The following EFEMP1 variants were observed in gnomAD, a reference collection of about 807,000 sequenced individuals.
EFEMP1 encodes EGF-containing fibulin-like extracellular matrix protein 1.
In EFEMP1, 18 loss-of-function variants were observed where a neutral mutation model predicts 65.7. The observed-to-expected ratio is 0.27, with a 90% CI of 0.19 to 0.41. EFEMP1 has a LOEUF of 0.41. Ranked by LOEUF, EFEMP1 falls within the 10% of genes least tolerant of loss-of-function variation. EFEMP1 has a pLI of 1.00. For synonymous variants in EFEMP1, 237 were observed against 219.7 expected, an observed-to-expected ratio of 1.08 and a Z score of -0.70; for missense variants, 469 against 624.8, an observed-to-expected ratio of 0.75 and a Z score of 2.66.
chr2:55,904,934 GA>G (rs1670184875), intron 5 of EFEMP1, among the ~76,000 whole-genome samples: 1 of 141,496 alleles, frequency 7.1e-6, no homozygotes, highest in Admixed American at 6.9e-5. Context: ...CTGTGACAGA[GA>G]AATTATTTCT....
rs752819295 is a variant in EFEMP1 at position 55,873,382 on chromosome 2, T to C, written c.1000+1564A>G. On this transcript the variant is annotated intron_variant, in intron 9 of 11. Transcript: ENST00000355426. This position sits in a 1 kb window ranked among gnomAD's most constrained non-coding sequence, Gnocchi z 4.6. ...CCCCACTTACAATTTTGGTGCATTT[T>C]CCACCTTTAATTACAATAGATATAA... is the stretch of plus-strand genomic sequence containing the variant. Among the ~76,000 whole-genome samples, 1 of 152,072 alleles carries C rather than the reference T, an allele frequency of 6.6e-6. No individual in the cohort carries two copies. Among genetic ancestry groups the C allele is most frequent in the Non-Finnish European group, 1.5e-5 (1 of 67,968 alleles).
At chr2:55,899,566 A>G (rs568006999) in intron 5 of EFEMP1, among the ~76,000 whole-genome samples, 1 of 152,324 alleles carries the variant, frequency 6.6e-6, no homozygotes, top group South Asian at 2.1e-4. Context: ...ACCTGGCTGC[A>G]TTATTTAAAT....
chr2:55,874,865 A>C (rs1668964423), intron 9 of EFEMP1, 81 bp downstream of exon 9: 2 of 1,469,462 alleles, frequency 1.4e-6, no homozygotes, highest in Non-Finnish European at 1.9e-6. Flanking sequence ...ATGAAAGTCT[A>C]TAGGAGAATC....
intron 6 of EFEMP1, among the ~76,000 whole-genome samples, chr2:55,880,372 C>A (rs1669195315): frequency 1.3e-5 from 2 of 152,158 alleles, no homozygotes; most frequent in South Asian, 4.1e-4. Context: ...TTTTTCTGTA[C>A]TTTTTATGCC....
At chr2:55,908,088 G>A (rs745571827) in intron 5 of EFEMP1, among the ~76,000 whole-genome samples, 7 of 151,978 alleles carry the variant, frequency 4.6e-5, no homozygotes, top group Admixed American at 6.6e-5. Context: ...CACTTATCTA[G>A]CTCCCCCGAG....
rs1479768936 is a variant in EFEMP1 at position 55,919,301 on chromosome 2, C to T, written c.82-1034G>A. Among the ~76,000 whole-genome samples, 2 of 152,196 alleles carry T rather than the reference C, an allele frequency of 1.3e-5. No homozygotes were observed. The highest frequency in any genetic ancestry group is 4.8e-5 in the African/African-American group (2 of 41,458). ...AATTCTACCCTGAAGGTCAGTGAAT[C>T]TCAAGCTTTATTGTGTCTAAGGATC... On this transcript the variant is annotated intron_variant, in intron 3 of 11. Coordinates refer to ENST00000355426, the MANE Select transcript of EFEMP1 (RefSeq NM_001039348.3). The surrounding 1 kb of genome is among the most constrained non-coding windows in gnomAD (Gnocchi z 4.5).
In EFEMP1 at chr2:55,873,024, G is replaced by A. The variant is rs1170365426; in HGVS notation, c.1001-1901C>T. ...CTCTCAAAATATTTGATGAGTGTGT[G>A]TCTATGTGTATGTGTATTCTTTTGT... On this transcript the variant is annotated intron_variant, in intron 9 of 11. Coordinates refer to ENST00000355426, the MANE Select transcript of EFEMP1 (RefSeq NM_001039348.3). This position sits in a 1 kb window ranked among gnomAD's most constrained non-coding sequence, Gnocchi z 4.6. 6.6e-6 allele frequency among the ~76,000 whole-genome samples: 1 copy of A among 150,728 alleles called. No homozygotes were observed. Among genetic ancestry groups the A allele is most frequent in the African/African-American group, 2.4e-5 (1 of 40,934 alleles).
chr2:55,918,064 A>G lies in EFEMP1; in HGVS notation c.131-13T>C. On this transcript the variant is annotated splice_polypyrimidine_tract_variant and intron_variant, in intron 4 of 11. Transcript: ENST00000355426. ...CATTCATCAATATCTGTGGTCAGTA[A>G]TAAAATAAGTCAGGAATCTTCTAAG... is the stretch of plus-strand genomic sequence containing the variant. The G allele has an allele frequency of 6.2e-7, 1 of 1,614,234 alleles. No homozygotes were observed. Among genetic ancestry groups the G allele is most frequent in the Non-Finnish European group, 8.5e-7 (1 of 1,180,052 alleles).
intron 5 of EFEMP1, among the ~76,000 whole-genome samples, chr2:55,901,280 C>T (rs1468171181): frequency 6.6e-6 from 1 of 152,170 alleles, no homozygotes; most frequent in East Asian, 1.9e-4. Context: ...CATGTGAGTA[C>T]ATGTTAATCA....
rs1328323234 is a variant in EFEMP1, at chr2:55,866,336, T to C, written c.*737A>G. 1.3e-5 allele frequency: 2 copies of C among 152,354 alleles called. No homozygotes were observed. The highest frequency in any genetic ancestry group is 3.9e-4 in the East Asian group (2 of 5,188). 9.4% of individuals were successfully genotyped at this position (152,354 alleles called of 1,614,324 possible). ...GTTTGCTTCTTCAGGTCAGTTCCAA[T>C]GTGGTTTAGAAGGAATTTATTTTCT... is the stretch of plus-strand genomic sequence containing the variant. On this transcript the variant is annotated 3_prime_UTR_variant, in exon 12 of 12. Transcript: ENST00000355426.
At chr2:55,898,197 G>A (rs1669902075) in intron 5 of EFEMP1, among the ~76,000 whole-genome samples, 1 of 152,164 alleles carries the variant, frequency 6.6e-6, no homozygotes, top group Non-Finnish European at 1.5e-5. Flanking sequence ...GTTATTTCAT[G>A]AAGTGTGGGG....
chr2:55,895,741 C>T (rs1377633583), intron 5 of EFEMP1, among the ~76,000 whole-genome samples: 2 of 151,756 alleles, frequency 1.3e-5, no homozygotes, highest in African/African-American at 4.8e-5. Flanking sequence ...CGGGGTTTCA[C>T]TGTGTTAGCC....
In EFEMP1 at chr2:55,888,899, G is replaced by A. The variant is rs149201409; in HGVS notation, c.518-7165C>T. 1.2e-3 allele frequency among the ~76,000 whole-genome samples: 187 copies of A among 152,294 alleles called. 2 individuals are homozygous for A. In the East Asian group the frequency reaches 0.034, roughly 28 times the overall value. Reference sequence around the variant, plus strand: ...CCCTATTATGGGATGCCTCTGCACTGACATTTCAATTGTGTTTTCCTGGTT... The same window carrying A: ...CCCTATTATGGGATGCCTCTGCACTAACATTTCAATTGTGTTTTCCTGGTT... On this transcript the variant is annotated intron_variant, in intron 5 of 11. Coordinates refer to ENST00000355426, the MANE Select transcript of EFEMP1 (RefSeq NM_001039348.3).
chr2:55,867,346 A>G lies in EFEMP1; in HGVS notation c.1321-112T>C. The G allele has an allele frequency of 1.6e-6, 2 of 1,217,184 alleles. No homozygotes were observed. Among genetic ancestry groups the G allele is most frequent in the Non-Finnish European group, 1.1e-6 (1 of 869,620 alleles). 75.4% of individuals were successfully genotyped at this position (1,217,184 alleles called of 1,614,324 possible). A position where few individuals can be genotyped will look rare whatever the true frequency, so the allele number is the denominator to read the frequency against. The stretch of plus-strand genomic sequence containing the variant: ...TTAGGGGGAGAATTTTGAAGGTGGT[A>G]TAAAAGAGCCACTACTTGGTCCCTT... On this transcript the variant is annotated intron_variant, in intron 11 of 11. Coordinates refer to ENST00000355426, the MANE Select transcript of EFEMP1 (RefSeq NM_001039348.3). This position sits in a 1 kb window ranked among gnomAD's most constrained non-coding sequence, Gnocchi z 4.3.
At chr2:55,875,360 A>ACACT (rs1198809808) in intron 8 of EFEMP1, among the ~76,000 whole-genome samples, 3 of 142,410 alleles carry the variant, frequency 2.1e-5, no homozygotes, top group Non-Finnish European at 3.0e-5. Context: ...ACACACACAC[A>ACACT]CACACATATA....
chr2:55,884,637 C>G (rs1669358755), intron 5 of EFEMP1, among the ~76,000 whole-genome samples: 1 of 152,172 alleles, frequency 6.6e-6, no homozygotes, highest in Non-Finnish European at 1.5e-5. Context: ...TCTGCATTAG[C>G]AAAAGCAATG....
At position 55,916,356 on chromosome 2, in the gene EFEMP1, C is replaced by T. The variant is rs562214887; in HGVS notation, c.517+1309G>A. ...AACTCCCGACCTCAGGTGATCCACC[C>T]GCCTCATCTTCCCAAAGTGCTGGGA... On this transcript the variant is annotated intron_variant, in intron 5 of 11. Transcript: ENST00000355426. 2.6e-5 allele frequency among the ~76,000 whole-genome samples: 4 copies of T among 152,292 alleles called. No individual in the cohort carries two copies. In the East Asian group the frequency reaches 7.7e-4, roughly 29 times the overall value.
At chr2:55,898,014 G>A (rs1158687211) in intron 5 of EFEMP1, among the ~76,000 whole-genome samples, 2 of 152,156 alleles carry the variant, frequency 1.3e-5, no homozygotes, top group Non-Finnish European at 2.9e-5. Flanking sequence ...TAAAATAAGA[G>A]TAATTGTTGT....
intron 11 of EFEMP1, among the ~76,000 whole-genome samples, chr2:55,869,020 T>G (rs1315216132): frequency 6.6e-6 from 1 of 152,126 alleles, no homozygotes; most frequent in East Asian, 1.9e-4. Flanking sequence ...TCAAATAATT[T>G]AACATTAACT....
Sources: gnomAD v4.1 joint callset for allele counts (sites outside exome capture counted in the v4.1 genomes callset) on GRCh38, gnomAD v4.1.1 for gene constraint, Gnocchi (gnomAD v3.1) non-coding constraint, MANE v1.5 for transcripts, NCBI Gene and HGNC (gene_info 2026-07-23, HGNC 2026-07-21) for gene names.